The following ASTN2 variants were observed in gnomAD, a reference collection of about 807,000 sequenced individuals.
ASTN2 encodes the protein astrotactin-2.
In ASTN2, 54 loss-of-function variants were observed where a neutral mutation model predicts 139.8. The ratio of observed to expected loss-of-function variants is 0.39; its 90% CI spans 0.31 to 0.48. The LOEUF is 0.48. ASTN2 is among the 20% of genes least tolerant of loss of function. The pLI is 0.95. For synonymous variants in ASTN2, 756 were observed against 719.5 expected (o/e 1.05, Z -0.81); for missense variants, 1,565 against 1,725.1 (o/e 0.91, Z 1.64).
chr9:116,880,283 AC>A (rs1365511390), intron 10 of ASTN2, among the ~76,000 whole-genome samples: 1 of 152,134 alleles, frequency 6.6e-6, no homozygotes, highest in African/African-American at 2.4e-5. Context: ...ATTTCATGAA[AC>A]TCCAGCATAG....
chr9:116,729,178 C>T lies in ASTN2; in HGVS notation c.2522-82G>A, dbSNP rs527884531. 2.5e-4 allele frequency: 271 copies of T among 1,093,146 alleles called. 4 individuals are homozygous for T. In the South Asian group the frequency reaches 3.9e-3, roughly 16 times the overall value. The allele number at this position is 1,093,146 out of a possible 1,614,324, so 67.7% of individuals were successfully genotyped here. A position where few individuals can be genotyped will look rare whatever the true frequency, so the allele number is the denominator to read the frequency against. ...ATTGTTCACCCTGCAGCTCTTGGCT[C>T]TGGGAAACAGACACCTCTTTGAAGT... is the stretch of plus-strand genomic sequence containing the variant. On this transcript the variant is annotated intron_variant, in intron 14 of 22. Transcript: ENST00000313400.
intron 1 of ASTN2, among the ~76,000 whole-genome samples, chr9:117,337,869 T>A (rs765679204): frequency 1.3e-5 from 2 of 152,138 alleles, no homozygotes; most frequent in Non-Finnish European, 2.9e-5. Context: ...GCTCATGACC[T>A]CGGGCAAGCC....
intron 5 of ASTN2, among the ~76,000 whole-genome samples, chr9:117,084,211 T>C (rs1828503456): frequency 6.6e-6 from 1 of 152,170 alleles, no homozygotes; most frequent in South Asian, 2.1e-4. Context: ...TAGGTTTCTG[T>C]ATTTTACTGC....
At chr9:117,297,308 G>A (rs988901717) in intron 1 of ASTN2, among the ~76,000 whole-genome samples, 1 of 152,222 alleles carries the variant, frequency 6.6e-6, no homozygotes, top group Non-Finnish European at 1.5e-5. Context: ...AGTTGGGAAA[G>A]GTAGTGGTGT....
intron 10 of ASTN2, among the ~76,000 whole-genome samples, chr9:116,924,505 A>G (rs1452714175): frequency 6.6e-6 from 1 of 151,142 alleles, no homozygotes; most frequent in African/African-American, 2.4e-5. Context: ...TCTTATACTT[A>G]TTGTTACTTC....
intron 1 of ASTN2, among the ~76,000 whole-genome samples, chr9:117,338,413 C>G (rs559658182): frequency 6.6e-4 from 100 of 152,252 alleles, no homozygotes; most frequent in African/African-American, 2.3e-3. Flanking sequence ...AGATCCTATC[C>G]ATTTATCAGT....
chr9:117,268,144 A>C (rs1564116676), intron 2 of ASTN2, among the ~76,000 whole-genome samples: 1 of 152,142 alleles, frequency 6.6e-6, no homozygotes, highest in Non-Finnish European at 1.5e-5. Context: ...TGACTTAAAC[A>C]CACTGTTATT....
intron 1 of ASTN2, among the ~76,000 whole-genome samples, chr9:117,402,579 G>A (rs573592788): frequency 7.2e-5 from 11 of 152,208 alleles, no homozygotes; most frequent in Admixed American, 4.6e-4. Flanking sequence ...GGTTTCCTAC[G>A]GGCTTCTGAA....
intron 1 of ASTN2, among the ~76,000 whole-genome samples, chr9:117,394,755 C>T: frequency 6.6e-6 from 1 of 152,096 alleles, no homozygotes; most frequent in East Asian, 1.9e-4. Flanking sequence ...GAAGTGTAGG[C>T]AAAGGAACTG....
intron 20 of ASTN2, among the ~76,000 whole-genome samples, chr9:116,460,376 T>C (rs1848450138): frequency 6.6e-6 from 1 of 152,174 alleles, no homozygotes; most frequent in South Asian, 2.1e-4. Context: ...CACTGAATTG[T>C]AGCCTTAAAA....
Position 117,207,538 on chromosome 9 carries a change from C to T in ASTN2, c.1015+6820G>A, listed in dbSNP as rs570696040. 4.6e-5 allele frequency among the ~76,000 whole-genome samples: 7 copies of T among 152,244 alleles called. No individual in the cohort carries two copies. In the East Asian group the frequency reaches 1.4e-3, roughly 29 times the overall value. On this transcript the variant is annotated intron_variant, in intron 3 of 22. Transcript: ENST00000313400. ...GCTCCTGGCAGATACACACCTAGAC[C>T]AACTGAGCAAACTTATGCCCATGTC...
At chr9:117,276,703 A>G (rs370487284) in intron 2 of ASTN2, among the ~76,000 whole-genome samples, 63 of 152,212 alleles carry the variant, frequency 4.1e-4, no homozygotes, top group African/African-American at 1.4e-3. Flanking sequence ...GGGCACAGAG[A>G]GACAAGGGCG....
chr9:117,151,198 A>C (rs535823044), intron 3 of ASTN2, among the ~76,000 whole-genome samples: 1 of 152,188 alleles, frequency 6.6e-6, no homozygotes, highest in East Asian at 1.9e-4. Context: ...CAAAAATCTT[A>C]AACCATTAGT....
At chr9:116,601,294 G>A (rs921931931) in intron 19 of ASTN2, among the ~76,000 whole-genome samples, 2 of 152,204 alleles carry the variant, frequency 1.3e-5, no homozygotes, top group Non-Finnish European at 2.9e-5. Context: ...TCATCTGGAA[G>A]TTAGAAGAGT....
chr9:117,327,677 A>T (rs926879844), intron 1 of ASTN2, among the ~76,000 whole-genome samples: 1 of 152,204 alleles, frequency 6.6e-6, no homozygotes. Context: ...CTTGAATAGC[A>T]GCTTGAAGAA....
chr9:117,019,709 G>A (rs575746378), intron 6 of ASTN2, among the ~76,000 whole-genome samples: 4 of 152,224 alleles, frequency 2.6e-5, no homozygotes, highest in African/African-American at 9.6e-5. Context: ...TCTGTTCCTG[G>A]AGGCAGCTGG....
chr9:117,287,096 G>A (rs1185873464), intron 2 of ASTN2, among the ~76,000 whole-genome samples: 1 of 152,198 alleles, frequency 6.6e-6, no homozygotes, highest in Non-Finnish European at 1.5e-5. Flanking sequence ...TGAAATAATA[G>A]AGGTGCTGCA....
chr9:116,952,728 G>A (rs550052475), intron 10 of ASTN2, among the ~76,000 whole-genome samples: 1 of 152,306 alleles, frequency 6.6e-6, no homozygotes, highest in South Asian at 2.1e-4. Flanking sequence ...CAGGAGCCCA[G>A]GGCCGCTGAT....
chr9:116,498,312 G>A (rs868030353), intron 19 of ASTN2, among the ~76,000 whole-genome samples: 1 of 152,106 alleles, frequency 6.6e-6, no homozygotes, highest in Non-Finnish European at 1.5e-5. Context: ...CAGGCACAGT[G>A]AGTGTCCCAT....
Sources: allele counts gnomAD v4.1 joint callset (sites outside exome capture counted in the v4.1 genomes callset), GRCh38; gene constraint gnomAD v4.1.1; transcripts MANE v1.5; gene names NCBI Gene and HGNC (gene_info 2026-07-23, HGNC 2026-07-21).